COL18A1: variants seen among roughly 807,000 people sequenced by gnomAD.
COL18A1 encodes the protein collagen alpha-1(XVIII) chain.
In COL18A1, 133 loss-of-function variants were observed where a neutral mutation model predicts 168.0. The observed-to-expected ratio is 0.79, with a 90% CI of 0.69 to 0.91. COL18A1 has a LOEUF of 0.91. COL18A1 is among the 40% of genes least tolerant of loss of function. The pLI is 0.00. For missense variants in COL18A1, 2,126 were observed against 1,925.4 expected (o/e 1.10, Z -1.95); for synonymous variants, 949 against 809.0 (o/e 1.17, Z -2.94).
At chr21:45,415,963 C>T (rs1266042395) in intron 2 of COL18A1, among the ~76,000 whole-genome samples, 10 of 152,152 alleles carry the variant, frequency 6.6e-5, no homozygotes, top group African/African-American at 1.7e-4. Context: ...CGTGGGCCCT[C>T]GGCTATCTGG....
At chr21:45,479,645 T>A (rs1262921609) in intron 9 of COL18A1, among the ~76,000 whole-genome samples, 4 of 152,056 alleles carry the variant, frequency 2.6e-5, no homozygotes, top group South Asian at 2.1e-4. Context: ...CACCAGCTGT[T>A]GTGGAGGCCT....
chr21:45,473,809 C>A lies in COL18A1; in HGVS notation c.652-86C>A, dbSNP rs1457186526. ...CGAGACTCTCCTGCCCTTTGTGGGCCCCCCGAAATCTGGAGCTCAAGCAGC... is the reference window on the plus strand; with the variant it reads ...CGAGACTCTCCTGCCCTTTGTGGGCACCCCGAAATCTGGAGCTCAAGCAGC... On this transcript the variant is annotated intron_variant, in intron 3 of 41. Transcript: ENST00000651438. The surrounding 1 kb of genome is among the most constrained non-coding windows in gnomAD (Gnocchi z 4.0). 5.3e-6 allele frequency: 6 copies of A among 1,130,738 alleles called. No individual in the cohort carries two copies. The highest frequency in any genetic ancestry group is 7.8e-6 in the Non-Finnish European group (6 of 769,034). The allele number at this position is 1,130,738 out of a possible 1,614,324, so 70.0% of individuals were successfully genotyped here.
intron 14 of COL18A1, chr21:45,482,310 G>T (rs1054777745): frequency 1.5e-5 from 10 of 680,774 alleles, no homozygotes; most frequent in African/African-American, 1.4e-4. Flanking sequence ...TTGGTTACGG[G>T]GCAGTGGCCA....
chr21:45,436,404 T>A (rs575491545), intron 2 of COL18A1, among the ~76,000 whole-genome samples: 1 of 152,290 alleles, frequency 6.6e-6, no homozygotes, highest in South Asian at 2.1e-4. Context: ...CGCCGCCCCA[T>A]TGTGAATCTG....
chr21:45,486,665 G>C (rs1568916650), intron 15 of COL18A1, among the ~76,000 whole-genome samples, 196 bp from the exon 16 acceptor site: 1 of 152,376 alleles, frequency 6.6e-6, no homozygotes, highest in East Asian at 1.9e-4. Context: ...CTCCTCAGTT[G>C]TGTTTCTGTG....
intron 2 of COL18A1, among the ~76,000 whole-genome samples, chr21:45,452,688 T>G (rs1375921762): frequency 6.8e-6 from 1 of 147,168 alleles, no homozygotes; most frequent in Non-Finnish European, 1.5e-5. Context: ...TGTGTGAGCA[T>G]GTATGTGAGT....
At chr21:45,433,812 A>T (rs776005073) in intron 2 of COL18A1, among the ~76,000 whole-genome samples, 4 of 152,096 alleles carry the variant, frequency 2.6e-5, no homozygotes, top group African/African-American at 9.7e-5. Flanking sequence ...TCCCCTGCAA[A>T]TGGGTTCACT....
At chr21:45,410,761 A>G (rs1170126908) in intron 2 of COL18A1, among the ~76,000 whole-genome samples, 1 of 152,132 alleles carries the variant, frequency 6.6e-6, no homozygotes, top group Non-Finnish European at 1.5e-5. Context: ...GGGGCAGGAG[A>G]GGCACTGTCT....
chr21:45,464,014 A>T (rs1181005511), intron 2 of COL18A1, among the ~76,000 whole-genome samples: 1 of 152,236 alleles, frequency 6.6e-6, no homozygotes, highest in East Asian at 1.9e-4. Context: ...GAAACTCCCT[A>T]TGGGCACTGT....
intron 6 of COL18A1, 94 bp downstream of exon 6, chr21:45,476,574 AT>A: frequency 2.1e-6 from 3 of 1,449,530 alleles, no homozygotes; most frequent in South Asian, 2.5e-5. Flanking sequence ...TGTGTGATGT[AT>A]GGTGTGTGTA....
chr21:45,481,453 C>T (rs139707890), intron 13 of COL18A1, among the ~76,000 whole-genome samples: 4 of 152,292 alleles, frequency 2.6e-5, no homozygotes, highest in African/African-American at 9.6e-5. Flanking sequence ...CGGTAGCATG[C>T]CATGACGTGC....
At position 45,437,269 on chromosome 21, in the gene COL18A1, GAC is replaced by G. The variant is rs550680695; in HGVS notation, c.107-30967_107-30966del. Among the ~76,000 whole-genome samples the G allele has an allele frequency of 4.5e-3, 305 of 67,534 alleles. 16 individuals are homozygous for G. Among genetic ancestry groups the G allele is most frequent in the African/African-American group, 0.019 (269 of 13,880 alleles). 44.3% of individuals were successfully genotyped at this position (67,534 alleles called of 152,430 possible). A position where few individuals can be genotyped will look rare whatever the true frequency, so the allele number is the denominator to read the frequency against. On this transcript the variant is annotated intron_variant, in intron 2 of 41. Coordinates refer to ENST00000651438, the MANE Select transcript of COL18A1 (RefSeq NM_001379500.1). The stretch of plus-strand genomic sequence containing the variant: ...GTACACACACACACTCACACACTCA[GAC>G]ACACAGGCACTCTCCTGCACACACA...
intron 2 of COL18A1, among the ~76,000 whole-genome samples, chr21:45,411,778 A>AGGGGGGGGGGGGGGGGGGG (rs1569273645): frequency 2.8e-5 from 3 of 108,296 alleles, no homozygotes; most frequent in Admixed American, 1.1e-4. Context: ...GGGGGGGGGC[A>AGGGGGGGGGGGGGGGGGGG]GGCTGTGGTC....
intron 2 of COL18A1, among the ~76,000 whole-genome samples, chr21:45,438,362 ACT>A (rs1177830115): frequency 2.1e-5 from 3 of 141,416 alleles, no homozygotes; most frequent in Non-Finnish European, 4.6e-5. Context: ...ACACACAGGC[ACT>A]CTCCTGCACA....
intron 2 of COL18A1, among the ~76,000 whole-genome samples, chr21:45,458,656 G>A (rs1268430581): frequency 2.0e-5 from 3 of 152,182 alleles, no homozygotes; most frequent in Admixed American, 6.5e-5. Flanking sequence ...GGAGGGACCC[G>A]GGTCCGGTGT....
rs2035543670 is a variant in COL18A1 at position 45,474,068 on chromosome 21, C to T, written c.738+87C>T. 8.0e-6 allele frequency: 8 copies of T among 1,001,834 alleles called. No homozygotes were observed. In the Admixed American group the frequency reaches 1.2e-4, roughly 15 times the overall value. The allele number at this position is 1,001,834 out of a possible 1,614,324, so 62.1% of individuals were successfully genotyped here. A position where few individuals can be genotyped will look rare whatever the true frequency, so the allele number is the denominator to read the frequency against. ...GCCAAGGTCTATGACAGGAAAAGTC[C>T]CAAAATATACCACTTGGGGCACTGG... On this transcript the variant is annotated intron_variant, in intron 4 of 41. Transcript: ENST00000651438.
intron 2 of COL18A1, chr21:45,456,527 C>T (rs1219075556): frequency 8.4e-6 from 13 of 1,548,094 alleles, no homozygotes; most frequent in African/African-American, 2.7e-5. Context: ...CCCCGCCGGT[C>T]GCTGCCTGCC....
intron 36 of COL18A1, 40 bp from the exon 37 acceptor site, chr21:45,505,789 CCCCCGCCCT>C (rs370379179): frequency 3.0e-6 from 4 of 1,336,750 alleles, no homozygotes; most frequent in East Asian, 4.8e-5. Context: ...CCGCCCCTGC[CCCCCGCCCT>C]CCCCGCCAAG....
chr21:45,511,102 C>A lies in COL18A1; in HGVS notation c.3694-9C>A. 3 of 1,446,894 alleles carry A rather than the reference C, an allele frequency of 2.1e-6. No homozygotes were observed. The highest frequency in any genetic ancestry group is 1.2e-5 in the South Asian group (1 of 82,648). 89.6% of individuals were successfully genotyped at this position (1,446,894 alleles called of 1,614,324 possible). On this transcript the variant is annotated splice_polypyrimidine_tract_variant and intron_variant, in intron 40 of 41. Transcript: ENST00000651438. ...CACCACACACACATACACACGGTTT[C>A]TCTTCCAGGACGAGCTGCTGTTTCC...
Sources: allele counts gnomAD v4.1 joint callset (sites outside exome capture counted in the v4.1 genomes callset), GRCh38; gene constraint gnomAD v4.1.1; non-coding constraint Gnocchi (gnomAD v3.1); transcripts MANE v1.5; gene names NCBI Gene and HGNC (gene_info 2026-07-23, HGNC 2026-07-21).